Variants in B3GALT5 observed in about 807,000 individuals in gnomAD.
B3GALT5 encodes UDP-Gal:betaGlcNAc beta 1,3-galactosyltransferase, polypeptide 5.
For synonymous variants in B3GALT5, 156 were observed against 158.6 expected (o/e 0.98, Z 0.12); for missense variants, 328 against 396.6 (o/e 0.83, Z 1.47).
At chr21:39,633,579 C>A (rs2146192863) in intron 1 of B3GALT5, among the ~76,000 whole-genome samples, 1 of 152,306 alleles carries the variant, frequency 6.6e-6, no homozygotes, top group Non-Finnish European at 1.5e-5. Context: ...TAAACTCTTT[C>A]TTTGTAAACT....
chr21:39,639,403 T>C (rs868030822), intron 1 of B3GALT5, among the ~76,000 whole-genome samples: 9 of 60,748 alleles, frequency 1.5e-4, no homozygotes, highest in East Asian at 8.7e-4. Flanking sequence ...TCTTTCTTTT[T>C]CTTTCTTTCT....
intron 2 of B3GALT5, among the ~76,000 whole-genome samples, chr21:39,658,109 A>G (rs1439414752): frequency 6.6e-6 from 1 of 152,194 alleles, no homozygotes; most frequent in Non-Finnish European, 1.5e-5. Flanking sequence ...TTTAGGCCCA[A>G]TACAGACTCA....
chr21:39,615,195 C>T (rs1445152033), intron 1 of B3GALT5, among the ~76,000 whole-genome samples: 1 of 152,184 alleles, frequency 6.6e-6, no homozygotes, highest in African/African-American at 2.4e-5. Context: ...ATTCCAGTTT[C>T]TTCTCTTTTG....
intron 1 of B3GALT5, among the ~76,000 whole-genome samples, chr21:39,633,972 A>G (rs975667087): frequency 3.9e-5 from 6 of 152,160 alleles, no homozygotes; most frequent in African/African-American, 1.4e-4. Context: ...ATATTTGTGC[A>G]TGACTGACTA....
At chr21:39,624,736 A>G (rs1359887843) in intron 1 of B3GALT5, among the ~76,000 whole-genome samples, 1 of 152,144 alleles carries the variant, frequency 6.6e-6, no homozygotes, top group Non-Finnish European at 1.5e-5. Context: ...GATTTTTCAG[A>G]ATTTGGCTTC....
rs528842380 is a variant in B3GALT5, at chr21:39,630,645, TC to T, written c.-391-15746del. ...GGTGTTTGCATGTCAGCGTTTTCTTTCACATTAAATTGAGTGGAGCTAAACT... is the reference window on the plus strand; with the variant it reads ...GGTGTTTGCATGTCAGCGTTTTCTTTACATTAAATTGAGTGGAGCTAAACT... On this transcript the variant is annotated intron_variant, in intron 1 of 3. Coordinates refer to ENST00000684187, the MANE Select transcript of B3GALT5 (RefSeq NM_001356336.2). Among the ~76,000 whole-genome samples, 219 of 152,320 alleles carry T rather than the reference TC, an allele frequency of 1.4e-3. 4 individuals are homozygous for T. The Middle Eastern group carries it at 0.034, about 24-fold the overall frequency.
In B3GALT5 at chr21:39,661,091, AGGTTTTTCACTGGCTTCTT is replaced by A; in HGVS notation, c.534_552del (p.Phe179AsnfsTer69). On this transcript the variant is annotated frameshift_variant, in exon 4 of 4. Coordinates refer to ENST00000684187, the MANE Select transcript of B3GALT5 (RefSeq NM_001356336.2). LOFTEE classifies it low-confidence loss of function (END_TRUNC). This position sits in a 1 kb window ranked among gnomAD's most constrained non-coding sequence, Gnocchi z 4.7. The stretch of plus-strand genomic sequence containing the variant: ...GCTTCTGAAGAAAAACAGAACAACC[AGGTTTTTCACTGGCTTCTT>A]GAAACTCAATGAGTTTCCCATCAGG... The A allele has an allele frequency of 6.2e-7, 1 of 1,614,214 alleles. No individual in the cohort carries two copies. The highest frequency in any genetic ancestry group is 8.5e-7 in the Non-Finnish European group (1 of 1,180,020).
rs2146228394 is a variant in B3GALT5, at chr21:39,665,087, T to G, written c.*3595T>G. On this transcript the variant is annotated 3_prime_UTR_variant, in exon 4 of 4. Transcript: ENST00000684187. The stretch of plus-strand genomic sequence containing the variant: ...AGTGAACAATCCAACACTGACCTTC[T>G]GGTTAACTGCCCCACATCCAGCCCA... 6.6e-6 allele frequency: 1 copy of G among 152,436 alleles called. No individual in the cohort carries two copies. The highest frequency in any genetic ancestry group is 2.4e-5 in the African/African-American group (1 of 41,562). The allele number at this position is 152,436 out of a possible 1,614,324, so 9.4% of individuals were successfully genotyped here.
chr21:39,641,186 T>C (rs2079287089), intron 1 of B3GALT5, among the ~76,000 whole-genome samples: 1 of 152,170 alleles, frequency 6.6e-6, no homozygotes, highest in Non-Finnish European at 1.5e-5. Context: ...TTAGCTAGAG[T>C]TATGCACTAC....
chr21:39,626,272 G>A (rs1023693921), intron 1 of B3GALT5, among the ~76,000 whole-genome samples: 1 of 152,272 alleles, frequency 6.6e-6, no homozygotes, highest in East Asian at 1.9e-4. Flanking sequence ...GCTTTTTAGG[G>A]CAGAATAGTA....
intron 2 of B3GALT5, among the ~76,000 whole-genome samples, chr21:39,659,403 C>T (rs1471779188): frequency 6.6e-6 from 1 of 152,204 alleles, no homozygotes. Flanking sequence ...TAAATTCTCT[C>T]AGCATTAACT....
Position 39,639,082 on chromosome 21 carries a change from C to T in B3GALT5, c.-391-7310C>T, listed in dbSNP as rs143181598. Among the ~76,000 whole-genome samples, 88 of 152,282 alleles carry T rather than the reference C, an allele frequency of 5.8e-4. 1 individual carries two copies. The highest frequency in any genetic ancestry group is 2.1e-3 in the African/African-American group (88 of 41,546). On this transcript the variant is annotated intron_variant, in intron 1 of 3. Coordinates refer to ENST00000684187, the MANE Select transcript of B3GALT5 (RefSeq NM_001356336.2). The stretch of plus-strand genomic sequence containing the variant: ...CCACAGCCTCGCTCCCATATTACCA[C>T]GAAAGGAAGGTCCACGTTAATTTCT...
intron 2 of B3GALT5, among the ~76,000 whole-genome samples, chr21:39,650,298 G>T (rs932456289): frequency 6.6e-6 from 1 of 152,186 alleles, no homozygotes; most frequent in Non-Finnish European, 1.5e-5. Flanking sequence ...GACCTTATTT[G>T]TAGGTGACAG....
intron 1 of B3GALT5, among the ~76,000 whole-genome samples, chr21:39,626,907 A>G (rs866703563): frequency 4.6e-5 from 7 of 152,226 alleles, no homozygotes; most frequent in South Asian, 4.2e-4. Flanking sequence ...TTCCTAGGCC[A>G]ATCATTATTC....
At chr21:39,629,740 A>T (rs938800456) in intron 1 of B3GALT5, among the ~76,000 whole-genome samples, 6 of 152,174 alleles carry the variant, frequency 3.9e-5, no homozygotes, top group African/African-American at 1.4e-4. Flanking sequence ...CTTTGACCTC[A>T]TAGTTAATTT....
chr21:39,663,069 C>A lies in B3GALT5; in HGVS notation c.*1577C>A, dbSNP rs1212441584. On this transcript the variant is annotated 3_prime_UTR_variant, in exon 4 of 4. Coordinates refer to ENST00000684187, the MANE Select transcript of B3GALT5 (RefSeq NM_001356336.2). ...ACTGGGTCATGTTCAGAAAAGCCTC[C>A]TTCTCAGGTGGAAAAAATCAGGGAC... 2 of 152,194 alleles carry A rather than the reference C, an allele frequency of 1.3e-5. No individual in the cohort carries two copies. The highest frequency in any genetic ancestry group is 4.8e-5 in the African/African-American group (2 of 41,450). 9.4% of individuals were successfully genotyped at this position (152,194 alleles called of 1,614,324 possible).
chr21:39,671,454 T>A lies in B3GALT5; in HGVS notation c.*9962T>A, dbSNP rs1269918115. 1 of 152,140 alleles carries A rather than the reference T, an allele frequency of 6.6e-6. No homozygotes were observed. Among genetic ancestry groups the A allele is most frequent in the African/African-American group, 2.4e-5 (1 of 41,430 alleles). The allele number at this position is 152,140 out of a possible 1,614,324, so 9.4% of individuals were successfully genotyped here. ...AGAGTAGATACTTGATAATTATCTA[T>A]TGGGTTCTCAGGGGATCTCTCAAAG... On this transcript the variant is annotated 3_prime_UTR_variant, in exon 4 of 4. Transcript: ENST00000684187.
chr21:39,634,887 G>A (rs977874919), intron 1 of B3GALT5, among the ~76,000 whole-genome samples: 1 of 152,100 alleles, frequency 6.6e-6, no homozygotes, highest in Non-Finnish European at 1.5e-5. Flanking sequence ...TTTTCCCAGA[G>A]ACAACGCGTA....
rs2079508490 is a variant in B3GALT5 at position 39,660,804 on chromosome 21, AAG to A, written c.250_251del (p.Arg84AspfsTer80). 1 of 1,588,184 alleles carries A rather than the reference AAG, an allele frequency of 6.3e-7. No individual in the cohort carries two copies. The highest frequency in any genetic ancestry group is 1.3e-5 in the African/African-American group (1 of 74,176). ...ATGGCCATCCGGCAGACGTGGGGGA[AAG>A]AGAGGATGGTGAAGGGAAAGCAGCT... On this transcript the variant is annotated frameshift_variant, in exon 4 of 4. Transcript: ENST00000684187. LOFTEE classifies it low-confidence loss of function (END_TRUNC).
Sources: gnomAD v4.1 joint callset for allele counts (sites outside exome capture counted in the v4.1 genomes callset) on GRCh38, gnomAD v4.1.1 for gene constraint, Gnocchi (gnomAD v3.1) non-coding constraint, MANE v1.5 for transcripts, NCBI Gene and HGNC (gene_info 2026-07-23, HGNC 2026-07-21) for gene names.